Variants in GRM7 observed in about 807,000 individuals in gnomAD.
The protein encoded by GRM7 is metabotropic glutamate receptor 7.
In GRM7, 35 loss-of-function variants were observed where a neutral mutation model predicts 84.5. The observed-to-expected ratio is 0.41, with a 90% CI of 0.32 to 0.55. The LOEUF is 0.55. GRM7 is among the 20% of genes least tolerant of loss of function. GRM7 has a pLI of 0.19. For synonymous variants in GRM7, 487 were observed against 455.1 expected (o/e 1.07, Z -0.89); for missense variants, 1,003 against 1,194.6 (o/e 0.84, Z 2.36).
intron 7 of GRM7, among the ~76,000 whole-genome samples, chr3:7,542,097 A>T (rs1322529209): frequency 6.6e-6 from 1 of 152,138 alleles, no homozygotes; most frequent in Non-Finnish European, 1.5e-5. Flanking sequence ...TTGCATTAGA[A>T]CCTACCCTAA....
In GRM7 at chr3:7,572,615, C is replaced by A. The variant is rs543139085; in HGVS notation, c.1516-5807C>A. 1.1e-4 allele frequency among the ~76,000 whole-genome samples: 16 copies of A among 150,956 alleles called. No homozygotes were observed. The South Asian group carries it at 1.9e-3, about 18-fold the overall frequency. ...CGGGCGGATCACAAGGTCAGGAGATCGAGATTATCCTGGCTAACACCGTGA... is the reference window on the plus strand; with the variant it reads ...CGGGCGGATCACAAGGTCAGGAGATAGAGATTATCCTGGCTAACACCGTGA... On this transcript the variant is annotated intron_variant, in intron 7 of 9. Coordinates refer to ENST00000357716, the MANE Select transcript of GRM7 (RefSeq NM_000844.4).
chr3:7,272,020 C>G (rs1016441260), intron 2 of GRM7, among the ~76,000 whole-genome samples: 1 of 152,114 alleles, frequency 6.6e-6, no homozygotes, highest in Non-Finnish European at 1.5e-5. Context: ...CAGGAGGCTT[C>G]AAATCGTACA....
At chr3:7,472,636 G>T (rs1458927731) in intron 7 of GRM7, among the ~76,000 whole-genome samples, 2 of 152,184 alleles carry the variant, frequency 1.3e-5, no homozygotes, top group Non-Finnish European at 2.9e-5. Context: ...TCCACTGAAA[G>T]TGAGTAGAGC....
At position 7,717,525 on chromosome 3, in the gene GRM7, A is replaced by G. The variant is rs927837283; in HGVS notation, c.2699-22832A>G. Among the ~76,000 whole-genome samples the G allele has an allele frequency of 3.9e-4, 60 of 152,214 alleles. 1 individual carries two copies. The highest frequency in any genetic ancestry group is 8.2e-4 in the Non-Finnish European group (56 of 68,034). ...TCCTTAGGGAGGCAATGGATATACT[A>G]TTTTGAAAGCAGAAATTAGAAATTA... On this transcript the variant is annotated intron_variant, in intron 9 of 9. Coordinates refer to ENST00000357716, the MANE Select transcript of GRM7 (RefSeq NM_000844.4).
chr3:7,385,350 G>T (rs1045422103), intron 4 of GRM7, among the ~76,000 whole-genome samples: 1 of 132,338 alleles, frequency 7.6e-6, no homozygotes, highest in African/African-American at 2.8e-5. Context: ...GCACAGGCTG[G>T]AGTGCAGTGG....
At chr3:7,414,880 C>A in intron 4 of GRM7, 143 bp from the exon 5 acceptor site, 2 of 577,452 alleles carry the variant, frequency 3.5e-6, no homozygotes, top group Non-Finnish European at 6.0e-6. Context: ...TTTCCTCCTT[C>A]TGTTAATTTT....
chr3:7,632,822 C>A (rs1697915803), intron 8 of GRM7, among the ~76,000 whole-genome samples: 1 of 152,096 alleles, frequency 6.6e-6, no homozygotes, highest in South Asian at 2.1e-4. Context: ...TGAAAATTTG[C>A]ATTTAATTAT....
intron 8 of GRM7, among the ~76,000 whole-genome samples, chr3:7,580,805 G>C (rs962542786): frequency 1.3e-5 from 2 of 151,876 alleles, no homozygotes; most frequent in Admixed American, 6.6e-5. Flanking sequence ...AAACCAACTT[G>C]AATATCATTT....
rs3840243 is a variant in GRM7 at position 7,507,674 on chromosome 3, CT to C, written c.1515+45953del. ...TGAATAGACCTGAGTTGATTATTAA[CT>C]GGTAGTTATGATTGAGGAAGAACTA... On this transcript the variant is annotated intron_variant, in intron 7 of 9. Coordinates refer to ENST00000357716, the MANE Select transcript of GRM7 (RefSeq NM_000844.4). 3.3e-4 allele frequency among the ~76,000 whole-genome samples: 51 copies of C among 152,252 alleles called. No individual in the cohort carries two copies. The East Asian group carries it at 9.7e-3, about 29-fold the overall frequency.
chr3:6,872,863 T>C (rs776315973), intron 1 of GRM7, among the ~76,000 whole-genome samples: 1 of 152,210 alleles, frequency 6.6e-6, no homozygotes. Flanking sequence ...CAGGCTATCA[T>C]TGATGGGCAT....
intron 1 of GRM7, among the ~76,000 whole-genome samples, chr3:7,058,786 G>A (rs1697324082): frequency 6.6e-6 from 1 of 151,826 alleles, no homozygotes; most frequent in South Asian, 2.1e-4. Flanking sequence ...TCCCTGGAAT[G>A]GGACTTCACA....
At chr3:7,007,257 A>G (rs1457861967) in intron 1 of GRM7, among the ~76,000 whole-genome samples, 1 of 152,170 alleles carries the variant, frequency 6.6e-6, no homozygotes, top group Non-Finnish European at 1.5e-5. Context: ...CCATCAATCA[A>G]ACGGAGATGA....
chr3:7,529,778 T>G (rs546204147), intron 7 of GRM7, among the ~76,000 whole-genome samples: 2 of 152,162 alleles, frequency 1.3e-5, no homozygotes, highest in East Asian at 3.9e-4. Flanking sequence ...CCAGCCCTGT[T>G]CTAAGAATGA....
chr3:7,322,722 C>G (rs186190116), intron 4 of GRM7, among the ~76,000 whole-genome samples: 1 of 151,992 alleles, frequency 6.6e-6, no homozygotes, highest in African/African-American at 2.4e-5. Context: ...AGGTTGCTGA[C>G]GATGCCATTA....
intron 1 of GRM7, among the ~76,000 whole-genome samples, chr3:7,042,942 T>G (rs556131886): frequency 2.0e-5 from 3 of 152,240 alleles, no homozygotes; most frequent in Non-Finnish European, 4.4e-5. Context: ...CTCAAGTTAC[T>G]TAAAGACAGT....
chr3:6,901,604 T>TAAAAAAAAAAAAAAAAAAAAAAA lies in GRM7; in HGVS notation c.519+39708_519+39730dup, dbSNP rs33945077. Among the ~76,000 whole-genome samples the TAAAAAAAAAAAAAAAAAAAAAAA allele has an allele frequency of 7.4e-5, 3 of 40,498 alleles. 1 individual carries two copies. The highest frequency in any genetic ancestry group is 9.5e-5 in the African/African-American group (1 of 10,496). 26.6% of individuals were successfully genotyped at this position (40,498 alleles called of 152,430 possible). ...CCTGGTGACAGAGCAAGACTCCGTC[T>TAAAAAAAAAAAAAAAAAAAAAAA]AAAAAAAAAAAAAAAAAAAAAAAAA... On this transcript the variant is annotated intron_variant, in intron 1 of 9. Coordinates refer to ENST00000357716, the MANE Select transcript of GRM7 (RefSeq NM_000844.4).
intron 2 of GRM7, among the ~76,000 whole-genome samples, chr3:7,185,575 G>A (rs1181434028): frequency 6.6e-6 from 1 of 152,118 alleles, no homozygotes; most frequent in East Asian, 1.9e-4. Context: ...TTAGAAAGTA[G>A]TGATGTTCAA....
Position 6,861,444 on chromosome 3 carries a change from G to A in GRM7, c.56G>A (p.Cys19Tyr), listed in dbSNP as rs1355124247. Residue 19 changes from cysteine (C) to tyrosine (Y), a missense_variant, in exon 1 of 10, where the codon TGC becomes TAC. Cys to Tyr is a radical substitution (Grantham distance 194, BLOSUM62 -2). Around this residue, in one of 2 missense-constraint regions of GRM7, gnomAD observed 93 missense variants for 68.6 expected, o/e 1.36. Coordinates refer to ENST00000357716, the MANE Select transcript of GRM7 (RefSeq NM_000844.4). The surrounding 1 kb of genome is among the most constrained non-coding windows in gnomAD (Gnocchi z 6.4). Reference protein sequence around the residue: ...RVLTLMKFPCCVLEVLLCALA... With the variant: ...RVLTLMKFPCYVLEVLLCALA... ...CTGACTTTGATGAAGTTCCCCTGCT[G>A]CGTGCTGGAGGTGCTCCTGTGCGCG... 3 of 1,603,172 alleles carry A rather than the reference G, an allele frequency of 1.9e-6. No homozygotes were observed. The highest frequency in any genetic ancestry group is 1.7e-4 in the Middle Eastern group (1 of 5,950).
At chr3:7,236,719 C>T (rs1023311026) in intron 2 of GRM7, among the ~76,000 whole-genome samples, 1 of 152,188 alleles carries the variant, frequency 6.6e-6, no homozygotes, top group Admixed American at 6.5e-5. Context: ...CATCCAATCA[C>T]AAGATATGTG....
Sources: gnomAD v4.1 joint callset for allele counts (sites outside exome capture counted in the v4.1 genomes callset) on GRCh38, gnomAD v4.1.1 for gene constraint, gnomAD v4.1.1 regional missense constraint, Gnocchi (gnomAD v3.1) non-coding constraint, MANE v1.5 for transcripts, NCBI Gene and HGNC (gene_info 2026-07-23, HGNC 2026-07-21) for gene names.